FKTN: variants seen among roughly 807,000 people sequenced by gnomAD.
FKTN encodes ribitol-5-phosphate transferase FKTN.
FKTN carries 47 observed loss-of-function variants against 58.6 expected under a neutral mutation model. The observed-to-expected ratio is 0.80, with a 90% CI of 0.63 to 1.02. FKTN has a LOEUF of 1.02. FKTN is among the 50% of genes least tolerant of loss of function. The pLI, the probability that FKTN is intolerant of heterozygous loss-of-function variation, is 0.00. For synonymous variants in FKTN, 178 were observed against 191.9 expected (o/e 0.93, Z 0.60); for missense variants, 516 against 537.3 (o/e 0.96, Z 0.39).
intron 7 of FKTN, among the ~76,000 whole-genome samples, chr9:105,614,816 G>A (rs4742955): frequency 0.3 from 45,802 of 151,318 alleles, 7,114 homozygotes; most frequent in Non-Finnish European, 0.32. Flanking sequence ...ACAAGTAACT[G>A]TAAAATGTGG....
intron 1 of FKTN, among the ~76,000 whole-genome samples, chr9:105,565,592 G>A (rs1197796221): frequency 6.6e-6 from 1 of 151,810 alleles, no homozygotes; most frequent in Non-Finnish European, 1.5e-5. Flanking sequence ...TCAACAAGAA[G>A]AGCTAACTGT....
At position 105,637,657 on chromosome 9, in the gene FKTN, G is replaced by C; in HGVS notation, c.*2393G>C. 1 of 985,250 alleles carries C rather than the reference G, an allele frequency of 1.0e-6. No homozygotes were observed. The highest frequency in any genetic ancestry group is 1.2e-6 in the Non-Finnish European group (1 of 829,876). 61.0% of individuals were successfully genotyped at this position (985,250 alleles called of 1,614,324 possible). On this transcript the variant is annotated 3_prime_UTR_variant, in exon 11 of 11. Coordinates refer to ENST00000357998, the MANE Select transcript of FKTN (RefSeq NM_001079802.2). The stretch of plus-strand genomic sequence containing the variant: ...ATTCTAGCAGTCATTCTCCTAATCT[G>C]ACCACTTTCAGGTTTAGTTTACCTG...
At position 105,639,279 on chromosome 9, in the gene FKTN, G is replaced by C; in HGVS notation, c.*4015G>C. On this transcript the variant is annotated 3_prime_UTR_variant, in exon 11 of 11. Coordinates refer to ENST00000357998, the MANE Select transcript of FKTN (RefSeq NM_001079802.2). The stretch of plus-strand genomic sequence containing the variant: ...TGTCTTCCACTATCATTAAGACCTG[G>C]GCTAGATCACCTCTAACATCTCACT... The C allele has an allele frequency of 1.0e-6, 1 of 985,204 alleles. No homozygotes were observed. Among genetic ancestry groups the C allele is most frequent in the Non-Finnish European group, 1.2e-6 (1 of 829,858 alleles). The allele number at this position is 985,204 out of a possible 1,614,324, so 61.0% of individuals were successfully genotyped here.
chr9:105,574,269 A>T (rs1841293878), intron 2 of FKTN: 1 of 152,092 alleles, frequency 6.6e-6, no homozygotes, highest in Non-Finnish European at 1.5e-5. Flanking sequence ...GAAGGATTGA[A>T]GGAATAAATG....
chr9:105,592,255 G>A (rs1398044647), intron 3 of FKTN, among the ~76,000 whole-genome samples: 1 of 152,152 alleles, frequency 6.6e-6, no homozygotes, highest in East Asian at 1.9e-4. Flanking sequence ...TATTAAATAT[G>A]TTCCAATTTT....
At chr9:105,615,176 G>GCCCA in intron 7 of FKTN, 102 bp from the exon 8 acceptor site, 1 of 1,291,406 alleles carries the variant, frequency 7.7e-7, no homozygotes, top group South Asian at 1.2e-5. Context: ...GAGCCACTGT[G>GCCCA]CCCAGCCTGG....
intron 3 of FKTN, among the ~76,000 whole-genome samples, chr9:105,583,748 T>C (rs1843427873): frequency 1.3e-5 from 2 of 152,216 alleles, no homozygotes; most frequent in South Asian, 4.1e-4. Flanking sequence ...TTAGGGCATC[T>C]GTTTTTTATG....
intron 10 of FKTN, chr9:105,624,238 T>G (rs1743648807): frequency 6.6e-6 from 1 of 152,212 alleles, no homozygotes; most frequent in African/African-American, 2.4e-5. Flanking sequence ...CCTGATAGTT[T>G]CTTTGAGTAA....
At chr9:105,582,037 C>T (rs983482782) in intron 3 of FKTN, among the ~76,000 whole-genome samples, 9 of 152,082 alleles carry the variant, frequency 5.9e-5, no homozygotes, top group African/African-American at 1.9e-4. Flanking sequence ...GCGCACGGTG[C>T]GCGCACCCAC....
intron 1 of FKTN, among the ~76,000 whole-genome samples, chr9:105,567,514 C>G (rs1839887371): frequency 6.6e-6 from 1 of 152,044 alleles, no homozygotes; most frequent in South Asian, 2.1e-4. Context: ...AACAGAGAGC[C>G]AAATCATGAG....
rs142288020 is a variant in FKTN at position 105,622,524 on chromosome 9, A to G, written c.1172+2463A>G. Among the ~76,000 whole-genome samples, 297 of 152,024 alleles carry G rather than the reference A, an allele frequency of 2.0e-3. 2 individuals carry two copies. Among genetic ancestry groups the G allele is most frequent in the Non-Finnish European group, 2.8e-3 (191 of 67,894 alleles). On this transcript the variant is annotated intron_variant, in intron 10 of 10. Transcript: ENST00000357998. ...AGGTAGTTCATATATATATTTATAT[A>G]TATAATCTGGTTAATCCTCATACTA...
At chr9:105,575,284 G>A (rs1841466292) in intron 3 of FKTN, 147 bp downstream of exon 3, 3 of 642,316 alleles carry the variant, frequency 4.7e-6, no homozygotes, top group Non-Finnish European at 5.6e-6. Flanking sequence ...TAAAAATTCA[G>A]TTAAATATAC....
chr9:105,607,725 G>A, intron 6 of FKTN, 94 bp from the exon 7 acceptor site: 5 of 1,140,058 alleles, frequency 4.4e-6, no homozygotes, highest in Non-Finnish European at 6.6e-6. Flanking sequence ...TGTTATCTAG[G>A]TTTTAAGCTC....
At chr9:105,560,644 C>T (rs1169325607) in intron 1 of FKTN, among the ~76,000 whole-genome samples, 1 of 152,140 alleles carries the variant, frequency 6.6e-6, no homozygotes, top group Non-Finnish European at 1.5e-5. Context: ...TACATATGTA[C>T]ATACATTCAC....
In FKTN at chr9:105,601,186, T is replaced by C. The variant is rs752921570; in HGVS notation, c.207T>C (p.Asn69=). Reference sequence around the variant, plus strand: ...TTATTATGTTAACATCCAACCAAAATGTACCAGTGTTTCTTATTGATCCTT... The same window carrying C: ...TTATTATGTTAACATCCAACCAAAACGTACCAGTGTTTCTTATTGATCCTT... ...KKFIMLTSNQ[N]VPVFLIDPLI... The change falls in exon 5 of 11, where the codon AAT becomes AAC. Residue 69 remains asparagine (N), a synonymous_variant. Coordinates refer to ENST00000357998, the MANE Select transcript of FKTN (RefSeq NM_001079802.2). 2.8e-5 allele frequency: 45 copies of C among 1,611,148 alleles called. No individual in the cohort carries two copies. Among genetic ancestry groups the C allele is most frequent in the Non-Finnish European group, 3.8e-5 (45 of 1,177,806 alleles).
chr9:105,639,835 A>G lies in FKTN; in HGVS notation c.*4571A>G, dbSNP rs1834302359. On this transcript the variant is annotated 3_prime_UTR_variant, in exon 11 of 11. Coordinates refer to ENST00000357998, the MANE Select transcript of FKTN (RefSeq NM_001079802.2). ...TATGCTACCTAGTTTGCTGGTCCCA[A>G]GCAGTTTACTGTACTTCACTAGATT... 7.8e-7 allele frequency: 1 copy of G among 1,282,950 alleles called. No individual in the cohort carries two copies. The highest frequency in any genetic ancestry group is 9.8e-7 in the Non-Finnish European group (1 of 1,015,602). 79.5% of individuals were successfully genotyped at this position (1,282,950 alleles called of 1,614,324 possible). A position where few individuals can be genotyped will look rare whatever the true frequency, so the allele number is the denominator to read the frequency against.
intron 3 of FKTN, among the ~76,000 whole-genome samples, chr9:105,582,638 A>C (rs1002813541): frequency 6.6e-6 from 1 of 152,190 alleles, no homozygotes. Flanking sequence ...GACTATACTG[A>C]TTCTACTTTT....
At chr9:105,621,693 C>T (rs908483955) in intron 10 of FKTN, among the ~76,000 whole-genome samples, 3 of 152,060 alleles carry the variant, frequency 2.0e-5, no homozygotes, top group East Asian at 3.9e-4. Flanking sequence ...ATATTACACA[C>T]TGTCTGTATG....
chr9:105,627,962 G>A (rs927421585), intron 10 of FKTN, among the ~76,000 whole-genome samples: 2 of 152,112 alleles, frequency 1.3e-5, no homozygotes, highest in African/African-American at 4.8e-5. Flanking sequence ...CCAACCTAAC[G>A]TGGTTGGAGA....
Sources: allele counts gnomAD v4.1 joint callset (sites outside exome capture counted in the v4.1 genomes callset), GRCh38; gene constraint gnomAD v4.1.1; transcripts MANE v1.5; gene names NCBI Gene and HGNC (gene_info 2026-07-23, HGNC 2026-07-21).